Variants in METTL15 observed in about 807,000 individuals in gnomAD.
METTL15 encodes 12S rRNA N(4)-cytidine methyltransferase METTL15.
METTL15 carries 34 observed loss-of-function variants against 38.3 expected under a neutral mutation model. The ratio of observed to expected loss-of-function variants is 0.89; its 90% CI spans 0.68 to 1.18. METTL15 has a LOEUF of 1.18. Among genes scored for constraint, METTL15 ranks in the 50% most tolerant of loss-of-function variants. The pLI is 0.00. For synonymous variants in METTL15, 162 were observed against 170.9 expected (o/e 0.95, Z 0.41); for missense variants, 438 against 498.4 (o/e 0.88, Z 1.15).
rs151096576 is a variant in METTL15 at position 28,380,487 on chromosome 11, T to G, written c.*358+18451T>G. On this transcript the variant is annotated intron_variant and NMD_transcript_variant, in intron 5 of 7. Transcript: ENST00000532947. ...AATTTAGATTCATTGTTATTACTGA[T>G]AATTAATAATTTATTACTGCTATTT... Among the ~76,000 whole-genome samples, 910 of 152,302 alleles carry G rather than the reference T, an allele frequency of 6.0e-3. 11 individuals carry two copies. Among genetic ancestry groups the G allele is most frequent in the African/African-American group, 0.011 (442 of 41,570 alleles).
chr11:28,143,498 T>C (rs1849770052), intron 3 of METTL15, among the ~76,000 whole-genome samples: 1 of 152,132 alleles, frequency 6.6e-6, no homozygotes, highest in Non-Finnish European at 1.5e-5. Context: ...CCCTCTACTC[T>C]CATCCAGGCT....
chr11:28,514,459 A>G (rs574331989), intron 6 of METTL15, among the ~76,000 whole-genome samples: 16 of 152,364 alleles, frequency 1.1e-4, no homozygotes, highest in African/African-American at 3.6e-4. Context: ...AGAGTCCTGA[A>G]CGAACTATTT....
chr11:28,478,757 A>G (rs1564942781), intron 6 of METTL15, among the ~76,000 whole-genome samples: 1 of 152,182 alleles, frequency 6.6e-6, no homozygotes, highest in Non-Finnish European at 1.5e-5. Flanking sequence ...AGAAAGATCA[A>G]TATGCTATTA....
chr11:28,135,620 A>G (rs1027675963), intron 3 of METTL15, among the ~76,000 whole-genome samples: 43 of 152,348 alleles, frequency 2.8e-4, no homozygotes, highest in African/African-American at 9.9e-4. Flanking sequence ...TGAAACAACC[A>G]GTTTCTCCAA....
At chr11:28,234,088 AATG>A (rs774364425) in intron 4 of METTL15, among the ~76,000 whole-genome samples, 3 of 152,002 alleles carry the variant, frequency 2.0e-5, no homozygotes, top group Non-Finnish European at 4.4e-5. Flanking sequence ...GTTTACTGAG[AATG>A]ATAATTTCCA....
intron 6 of METTL15, chr11:28,328,267 C>T (rs1849702715): frequency 8.7e-7 from 1 of 1,150,006 alleles, no homozygotes. Flanking sequence ...ATTCTCCAGA[C>T]TTTTGGCAAA....
chr11:28,421,676 T>C (rs1564926692), intron 5 of METTL15, among the ~76,000 whole-genome samples: 1 of 151,610 alleles, frequency 6.6e-6, no homozygotes, highest in Non-Finnish European at 1.5e-5. Flanking sequence ...ATAAAAACCC[T>C]AAAAAATGAC....
chr11:28,343,041 T>C (rs1400684684), intron 3 of METTL15, among the ~76,000 whole-genome samples: 7 of 152,228 alleles, frequency 4.6e-5, no homozygotes, highest in Admixed American at 4.6e-4. Context: ...TTTATGATTC[T>C]GCTTTTCTCT....
chr11:28,209,544 A>G (rs1190749438), intron 3 of METTL15, among the ~76,000 whole-genome samples: 1 of 152,100 alleles, frequency 6.6e-6, no homozygotes, highest in East Asian at 1.9e-4. Context: ...TACAAAGTTA[A>G]GTCACACTAC....
chr11:28,328,028 AT>A, intron 6 of METTL15: 8 of 1,511,546 alleles, frequency 5.3e-6, no homozygotes, highest in Non-Finnish European at 7.2e-6. Flanking sequence ...GTTCTTATTG[AT>A]TTATGTGCTC....
chr11:28,374,078 A>G (rs553748719), intron 5 of METTL15, among the ~76,000 whole-genome samples: 21 of 152,212 alleles, frequency 1.4e-4, no homozygotes, highest in South Asian at 1.0e-3. Flanking sequence ...GCCTTGTAGT[A>G]TAGTTTGAAG....
intron 2 of METTL15, among the ~76,000 whole-genome samples, chr11:28,112,295 TTCA>T (rs1390692831): frequency 6.6e-6 from 1 of 152,184 alleles, no homozygotes; most frequent in African/African-American, 2.4e-5. Context: ...AATCCATTCA[TTCA>T]TTTTCTTCAG....
chr11:28,217,086 C>T (rs938783724), intron 4 of METTL15, among the ~76,000 whole-genome samples: 1 of 152,112 alleles, frequency 6.6e-6, no homozygotes, highest in Admixed American at 6.5e-5. Flanking sequence ...CAGTAATGGG[C>T]TGGCTGGGTC....
At chr11:28,418,717 C>T (rs1250732671) in intron 5 of METTL15, among the ~76,000 whole-genome samples, 1 of 152,162 alleles carries the variant, frequency 6.6e-6, no homozygotes, top group African/African-American at 2.4e-5. Context: ...CACCACCCCT[C>T]CCCCATCCTT....
chr11:28,276,491 TATC>T lies in METTL15; in HGVS notation c.408-13712_408-13710del, dbSNP rs1159331057. Among the ~76,000 whole-genome samples the T allele has an allele frequency of 4.6e-5, 7 of 152,248 alleles. No homozygotes were observed. The East Asian group carries it at 1.4e-3, about 29-fold the overall frequency. On this transcript the variant is annotated intron_variant, in intron 4 of 6. Transcript: ENST00000407364. ...CATGCTCATGGATCTGAAGAACTAA[TATC>T]ATTACAGTGACCATATTGCCCAAAG...
At chr11:28,452,207 C>A (rs1851129021) in intron 6 of METTL15, among the ~76,000 whole-genome samples, 2 of 152,166 alleles carry the variant, frequency 1.3e-5, no homozygotes, top group Non-Finnish European at 2.9e-5. Context: ...TGCCTTTCTA[C>A]TTTCACACCT....
At chr11:28,283,539 G>C (rs1856136076) in intron 4 of METTL15, among the ~76,000 whole-genome samples, 1 of 152,168 alleles carries the variant, frequency 6.6e-6, no homozygotes, top group Non-Finnish European at 1.5e-5. Flanking sequence ...TAAGTACACA[G>C]TGAATGGTAG....
chr11:28,137,998 G>A (rs1181025851), intron 3 of METTL15, among the ~76,000 whole-genome samples: 1 of 152,154 alleles, frequency 6.6e-6, no homozygotes, highest in East Asian at 1.9e-4. Context: ...CAAGAGCAGG[G>A]CTAGGAAAGC....
chr11:28,461,564 G>A (rs568976338), intron 6 of METTL15, among the ~76,000 whole-genome samples: 20 of 152,068 alleles, frequency 1.3e-4, no homozygotes, highest in African/African-American at 4.8e-4. Context: ...AAAAGATAGA[G>A]GCCAAGGAAG....
Sources: allele counts gnomAD v4.1 joint callset (sites outside exome capture counted in the v4.1 genomes callset), GRCh38; gene constraint gnomAD v4.1.1; transcripts MANE v1.5; gene names NCBI Gene and HGNC (gene_info 2026-07-23, HGNC 2026-07-21).